The following KIAA0825 variants were observed in gnomAD, a reference collection of about 807,000 sequenced individuals.
KIAA0825 encodes the protein uncharacterized protein KIAA0825.
KIAA0825 carries 119 observed loss-of-function variants against 147.6 expected under a neutral mutation model. The ratio of observed to expected loss-of-function variants is 0.81; its 90% CI spans 0.69 to 0.94. The LOEUF (loss-of-function observed/expected upper bound fraction) is 0.94, where lower values mean the gene tolerates loss of function less well. Among genes scored for constraint, KIAA0825 ranks in the 40% least tolerant of loss-of-function variants. The pLI is 0.00. For missense variants in KIAA0825, 1,381 were observed against 1,472.7 expected (o/e 0.94, Z 1.02); for synonymous variants, 470 against 518.1 (o/e 0.91, Z 1.26).
At position 94,297,756 on chromosome 5, in the gene KIAA0825, C is replaced by A. The variant is rs554885753; in HGVS notation, c.3710+86612G>T. Among the ~76,000 whole-genome samples the A allele has an allele frequency of 3.3e-5, 5 of 151,892 alleles. No individual in the cohort carries two copies. In the South Asian group the frequency reaches 1.0e-3, roughly 32 times the overall value. On this transcript the variant is annotated intron_variant, in intron 20 of 20. Coordinates refer to ENST00000682413, the MANE Select transcript of KIAA0825 (RefSeq NM_001145678.3). ...GATTACAGGCACCTGTCACCACACC[C>A]AGCTAATTTTTCTATTTTTAGTAGA...
intron 13 of KIAA0825, among the ~76,000 whole-genome samples, chr5:94,443,776 T>C (rs572514792): frequency 6.6e-6 from 1 of 152,092 alleles, no homozygotes; most frequent in Admixed American, 6.5e-5. Flanking sequence ...TCAATCATAC[T>C]GTCCTGACTT....
At chr5:94,318,768 A>G (rs1472242848) in intron 20 of KIAA0825, among the ~76,000 whole-genome samples, 1 of 151,948 alleles carries the variant, frequency 6.6e-6, no homozygotes, top group Non-Finnish European at 1.5e-5. Flanking sequence ...CGTTACATAG[A>G]AGAACTAAGC....
At chr5:94,287,807 T>C (rs1336677668) in intron 20 of KIAA0825, among the ~76,000 whole-genome samples, 1 of 152,182 alleles carries the variant, frequency 6.6e-6, no homozygotes, top group Non-Finnish European at 1.5e-5. Context: ...TTAAGTGATC[T>C]TACTGGTGGT....
intron 20 of KIAA0825, among the ~76,000 whole-genome samples, chr5:94,175,290 G>C (rs571384985): frequency 6.6e-6 from 1 of 152,222 alleles, no homozygotes; most frequent in South Asian, 2.1e-4. Flanking sequence ...CCAGATAACT[G>C]TCTGTGACCT....
chr5:94,409,897 C>T (rs1752529307), intron 15 of KIAA0825, among the ~76,000 whole-genome samples: 1 of 152,160 alleles, frequency 6.6e-6, no homozygotes, highest in South Asian at 2.1e-4. Context: ...TGGAAGAAAA[C>T]AAAATCTAGA....
chr5:94,206,104 G>A (rs1294024429), intron 20 of KIAA0825, among the ~76,000 whole-genome samples: 1 of 151,854 alleles, frequency 6.6e-6, no homozygotes, highest in Non-Finnish European at 1.5e-5. Flanking sequence ...ACCTAATTTG[G>A]TTTTTGAGGC....
intron 20 of KIAA0825, among the ~76,000 whole-genome samples, chr5:94,169,148 C>G (rs1171781179): frequency 1.3e-5 from 2 of 152,190 alleles, no homozygotes; most frequent in African/African-American, 4.8e-5. Context: ...ATAAAAGTAT[C>G]ATTTAGAAAC....
intron 1 of KIAA0825, among the ~76,000 whole-genome samples, chr5:94,588,823 T>C (rs1331089302): frequency 6.6e-6 from 1 of 151,880 alleles, no homozygotes; most frequent in Admixed American, 6.6e-5. Context: ...ATAAAGAAAA[T>C]GTGGCACATA....
At chr5:94,575,268 T>C (rs1206077285) in intron 2 of KIAA0825, among the ~76,000 whole-genome samples, 2 of 151,448 alleles carry the variant, frequency 1.3e-5, no homozygotes, top group Non-Finnish European at 2.9e-5. Flanking sequence ...TGGTTTGGTG[T>C]GGGGCGAGAC....
At chr5:94,589,121 C>T (rs937674497) in intron 1 of KIAA0825, among the ~76,000 whole-genome samples, 5 of 152,132 alleles carry the variant, frequency 3.3e-5, no homozygotes, top group Middle Eastern at 3.2e-3. Flanking sequence ...CAAACCTGCA[C>T]ATTGTGCACA....
At chr5:94,360,347 T>G (rs1744894518) in intron 20 of KIAA0825, among the ~76,000 whole-genome samples, 1 of 152,132 alleles carries the variant, frequency 6.6e-6, no homozygotes, top group Non-Finnish European at 1.5e-5. Flanking sequence ...TGGTTAGTGT[T>G]GTCAGAGGTG....
At chr5:94,556,116 G>T (rs1408270741) in intron 2 of KIAA0825, among the ~76,000 whole-genome samples, 3 of 151,408 alleles carry the variant, frequency 2.0e-5, no homozygotes, top group Admixed American at 1.3e-4. Flanking sequence ...GCAGTGGTGC[G>T]ATCTCAGCTC....
intron 14 of KIAA0825, among the ~76,000 whole-genome samples, chr5:94,421,622 CCTT>C: frequency 6.6e-6 from 1 of 152,158 alleles, no homozygotes; most frequent in South Asian, 2.1e-4. Flanking sequence ...CCAATGTGTC[CCTT>C]CTTCTTTGAT....
At chr5:94,172,514 C>G (rs1052822943) in intron 20 of KIAA0825, among the ~76,000 whole-genome samples, 1 of 152,168 alleles carries the variant, frequency 6.6e-6, no homozygotes, top group Non-Finnish European at 1.5e-5. Context: ...TTTATTGATT[C>G]ACACAGTTTT....
At chr5:94,350,380 A>G (rs1011325863) in intron 20 of KIAA0825, among the ~76,000 whole-genome samples, 2 of 152,204 alleles carry the variant, frequency 1.3e-5, no homozygotes, top group Non-Finnish European at 2.9e-5. Flanking sequence ...AATCCTTTTG[A>G]CACTATTCCA....
chr5:94,299,498 A>G (rs1778288372), intron 20 of KIAA0825, among the ~76,000 whole-genome samples: 1 of 152,046 alleles, frequency 6.6e-6, no homozygotes, highest in South Asian at 2.1e-4. Context: ...TACAGGCATG[A>G]GCCACCATTC....
intron 20 of KIAA0825, among the ~76,000 whole-genome samples, chr5:94,357,727 T>C (rs1744478200): frequency 6.6e-6 from 1 of 152,192 alleles, no homozygotes; most frequent in Non-Finnish European, 1.5e-5. Context: ...GCTTCACTGG[T>C]TTATTCCCCT....
At chr5:94,518,879 C>A (rs1343088188) in intron 5 of KIAA0825, among the ~76,000 whole-genome samples, 1 of 152,046 alleles carries the variant, frequency 6.6e-6, no homozygotes, top group Non-Finnish European at 1.5e-5. Context: ...CCATATGGAT[C>A]TTTTCTTCTG....
chr5:94,613,733 C>T (rs1789574317), intron 1 of KIAA0825, among the ~76,000 whole-genome samples: 1 of 152,204 alleles, frequency 6.6e-6, no homozygotes, highest in Non-Finnish European at 1.5e-5. Context: ...GCATCAGTTA[C>T]ACAGTGTATA....
Sources: gnomAD v4.1 joint callset for allele counts (sites outside exome capture counted in the v4.1 genomes callset) on GRCh38, gnomAD v4.1.1 for gene constraint, MANE v1.5 for transcripts, NCBI Gene and HGNC (gene_info 2026-07-23, HGNC 2026-07-21) for gene names.